The following CYP27B1 variants were observed in gnomAD, a reference collection of about 807,000 sequenced individuals.
CYP27B1 encodes 25-hydroxyvitamin D-1 alpha hydroxylase, mitochondrial.
A neutral mutation model predicts 54.8 loss-of-function variants in CYP27B1; 46 were observed. That is an observed-to-expected ratio of 0.84 (90% CI 0.66 to 1.07). The LOEUF (loss-of-function observed/expected upper bound fraction) is 1.07, where lower values mean the gene tolerates loss of function less well. Among genes scored for constraint, CYP27B1 ranks in the 50% least tolerant of loss-of-function variants. The probability of loss-of-function intolerance (pLI) is 0.00; values close to 1 mark genes in which losing one functional copy is unlikely to be tolerated. For missense variants in CYP27B1, 674 were observed against 692.2 expected (o/e 0.97, Z 0.30); for synonymous variants, 292 against 297.3 (o/e 0.98, Z 0.18).
chr12:57,763,146 C>T lies in CYP27B1; in HGVS notation c.1523G>A (p.Arg508Lys). 1 of 1,607,930 alleles carries T rather than the reference C, an allele frequency of 6.2e-7. No homozygotes were observed. Among genetic ancestry groups the T allele is most frequent in the Admixed American group, 1.7e-5 (1 of 60,022 alleles). The stretch of plus-strand genomic sequence containing the variant: ...TGACAGTCTCTTTCCATGGGACTAT[C>T]TGTCCAAAAACTGTAGGTTGATGCT... The part of the protein sequence containing the change: ...ERSINLQFLD[R>K] The change falls in exon 9 of 9, where the codon AGA becomes AAA. Residue 508 changes from arginine (R) to lysine (K), a missense_variant. Arg to Lys is a conservative substitution (Grantham distance 26). Coordinates refer to ENST00000228606, the MANE Select transcript of CYP27B1 (RefSeq NM_000785.4).
At chr12:57,764,268 C>T (rs1955340609) in intron 6 of CYP27B1, 92 bp from the exon 7 acceptor site, 1 of 1,566,240 alleles carries the variant, frequency 6.4e-7, no homozygotes. Flanking sequence ...CCCTTTTTGG[C>T]CAGGAGTAGA....
rs1248018855 is a variant in CYP27B1 at position 57,766,928 on chromosome 12, TG to T, written c.113del (p.Ala38GlufsTer40). On this transcript the variant is annotated frameshift_variant, in exon 1 of 9. Transcript: ENST00000228606. LOFTEE classifies it high-confidence loss of function. ...REYHSARRSL[A>X]DIPGPSTPSF... ...TGGGCGTAGAGGGGCCTGGGATGTC[TG>T]CCAAGCTCCGGCGTGCTGAGTGGTA... The T allele has an allele frequency of 6.2e-7, 1 of 1,614,162 alleles. No homozygotes were observed. Among genetic ancestry groups the T allele is most frequent in the Non-Finnish European group, 8.5e-7 (1 of 1,180,024 alleles).
chr12:57,763,535 CA>C, intron 8 of CYP27B1, 75 bp downstream of exon 8: 1 of 1,298,708 alleles, frequency 7.7e-7, no homozygotes, highest in Non-Finnish European at 1.1e-6. Flanking sequence ...CTATGCTTGT[CA>C]GGGGAAAGAG....
At chr12:57,766,775 A>T in intron 1 of CYP27B1, 72 bp downstream of exon 1, 1 of 1,499,696 alleles carries the variant, frequency 6.7e-7, no homozygotes, top group Non-Finnish European at 9.3e-7. Flanking sequence ...GCTCTGCACT[A>T]GTCAGTCCTT....
In CYP27B1 at chr12:57,766,058, G is replaced by A. The variant is rs1024923221; in HGVS notation, c.335C>T (p.Pro112Leu). ...GCGGCAGCGGCGGTGCTCCGTCCAG[G>A]GCGAGAAGCTGCAGCGCTCGGGCCG... ...GPRPERCSFS[P>L]WTEHRRCRQR... The change falls in exon 2 of 9, where the codon CCC becomes CTC. Residue 112 changes from proline to leucine, a missense_variant. Physicochemically the swap from Pro to Leu is moderately conservative, Grantham distance 98. Transcript: ENST00000228606. 4 of 1,562,300 alleles carry A rather than the reference G, an allele frequency of 2.6e-6. No individual in the cohort carries two copies. The highest frequency in any genetic ancestry group is 3.5e-6 in the Non-Finnish European group (4 of 1,158,090).
Position 57,764,464 on chromosome 12 carries a change from G to A in CYP27B1, c.1050C>T (p.Ala350=). 6.2e-7 allele frequency: 1 copy of A among 1,614,208 alleles called. No homozygotes were observed. Among genetic ancestry groups the A allele is most frequent in the Non-Finnish European group, 8.5e-7 (1 of 1,180,024 alleles). The change falls in exon 6 of 9, where the codon GCC becomes GCT. Residue 350 remains alanine (A), a synonymous_variant. Transcript: ENST00000228606. ...QTALHSEITA[A]LSPGSSAYPS... ...GGTAGGCACTGGAGCCAGGGCTCAG[G>A]GCAGCTGTGATCTCTGAGTGGAGTG...
rs771598984 is a variant in CYP27B1 at position 57,765,200 on chromosome 12, C to A, written c.601G>T (p.Val201Phe). 2 of 1,612,780 alleles carry A rather than the reference C, an allele frequency of 1.2e-6. No individual in the cohort carries two copies. The highest frequency in any genetic ancestry group is 1.7e-6 in the Non-Finnish European group (2 of 1,179,530). The part of the protein sequence containing the change: ...YKFGLEGIAA[V>F]LLGSRLGCLE... ...CAGCCCAAGCGCGAGCCGAGCAGAA[C>A]CGCGGCGATGCCTTGTCGGGAGGGG... Residue 201 changes from valine (V) to phenylalanine (F), a missense_variant, in exon 4 of 9, where the codon GTT becomes TTT. Transcript: ENST00000228606. The surrounding 1 kb of genome is among the most constrained non-coding windows in gnomAD (Gnocchi z 5.8).
At chr12:57,763,838 T>C in intron 7 of CYP27B1, 30 bp from the exon 8 acceptor site, 3 of 1,609,356 alleles carry the variant, frequency 1.9e-6, no homozygotes, top group Non-Finnish European at 2.6e-6. Flanking sequence ...ACTTGTCAGT[T>C]TGGGCTCAGA....
chr12:57,765,034 T>A lies in CYP27B1; in HGVS notation c.767A>T (p.Asp256Val). 6.2e-7 allele frequency: 1 copy of A among 1,613,850 alleles called. No homozygotes were observed. The highest frequency in any genetic ancestry group is 1.3e-5 in the African/African-American group (1 of 75,070). The part of the protein sequence containing the change: ...VPGPWGRLCR[D>V]WDQMFAFAQR... ...ACCAAATGCAAACATCTGGTCCCAG[T>A]CTCGGCAGAGGCGGCCCCAGGGCCC... Residue 256 changes from aspartate to valine, a missense_variant, in exon 4 of 9, where the codon GAC (aspartate) becomes GTC (valine). By Grantham distance (152) the Asp-to-Val change is radical. Transcript: ENST00000228606. The surrounding 1 kb of genome is among the most constrained non-coding windows in gnomAD (Gnocchi z 5.8).
Position 57,764,784 on chromosome 12 carries a change from C to G in CYP27B1, c.933G>C (p.Val311=), listed in dbSNP as rs200567715. Residue 311 remains valine, a synonymous_variant, in exon 5 of 9, where the codon GTG becomes GTC. Transcript: ENST00000228606. ...CCACTCCCGCCAATAGCAACTCTGTCACATTTCCCAGGATGGACTGGGCAG... is the reference window on the plus strand; with the variant it reads ...CCACTCCCGCCAATAGCAACTCTGTGACATTTCCCAGGATGGACTGGGCAG... ...ELPAQSILGN[V]TELLLAGVDT... 5.6e-6 allele frequency: 9 copies of G among 1,614,186 alleles called. No homozygotes were observed. The Admixed American group carries it at 1.5e-4, about 27-fold the overall frequency.
chr12:57,764,277 G>A lies in CYP27B1; in HGVS notation c.1136+101C>T, dbSNP rs1955340624. On this transcript the variant is annotated intron_variant, in intron 6 of 8. Transcript: ENST00000228606. ...TCCAAACCCTTTTTGGCCAGGAGTA[G>A]AGGGCCATTTTTCTCTGCTATCTCC... 9 of 1,567,820 alleles carry A rather than the reference G, an allele frequency of 5.7e-6. No homozygotes were observed. In the South Asian group the frequency reaches 1.0e-4, roughly 17 times the overall value.
chr12:57,764,332 C>G, intron 6 of CYP27B1, 46 bp downstream of exon 6: 1 of 1,612,350 alleles, frequency 6.2e-7, no homozygotes, highest in African/African-American at 1.3e-5. Flanking sequence ...GCTTCCCCAG[C>G]CCTTCCTTGG....
chr12:57,766,872 C>A lies in CYP27B1; in HGVS notation c.170G>T (p.Gly57Val), dbSNP rs376304260. 1.1e-5 allele frequency: 18 copies of A among 1,614,218 alleles called. No individual in the cohort carries two copies. In the East Asian group the frequency reaches 1.3e-4, roughly 12 times the overall value. Residue 57 changes from glycine to valine, a missense_variant, in exon 1 of 9, where the codon GGG becomes GTG. Gly to Val is a moderately radical substitution (Grantham distance 109). Transcript: ENST00000228606. ...CTGCAGCTCGTGTAGCCTCGACAGC[C>A]CCCCCTTGCAGAAAAGTTCGGCCAG... ...SFLAELFCKG[G>V]LSRLHELQVQ...
At chr12:57,764,572 G>C (rs1313650068) in intron 5 of CYP27B1, 22 bp from the exon 6 acceptor site, 2 of 1,613,582 alleles carry the variant, frequency 1.2e-6, no homozygotes, top group African/African-American at 1.3e-5. Context: ...GTGAAAGCAA[G>C]AGAGGTGTTG....
In CYP27B1 at chr12:57,763,616, C is replaced by A; in HGVS notation, c.1408G>T (p.Ala470Ser). The part of the protein sequence containing the change: ...LAELELQMAL[A>S]QILTHFEVQP... ...ATAAAATCTAGAGCACTCACCTGGG[C>A]CAAAGCCATTTGCAATTCAAGCTCT... The change falls in exon 8 of 9, where the codon GCC becomes TCC. Residue 470 changes from alanine (A) to serine (S), a missense_variant. Coordinates refer to ENST00000228606, the MANE Select transcript of CYP27B1 (RefSeq NM_000785.4). 1 of 1,613,912 alleles carries A rather than the reference C, an allele frequency of 6.2e-7. No individual in the cohort carries two copies. The highest frequency in any genetic ancestry group is 2.2e-5 in the East Asian group (1 of 44,876).
chr12:57,763,027 T>C lies in CYP27B1; in HGVS notation c.*115A>G, dbSNP rs1955330821. 1 of 762,688 alleles carries C rather than the reference T, an allele frequency of 1.3e-6. No homozygotes were observed. The highest frequency in any genetic ancestry group is 1.7e-5 in the African/African-American group (1 of 58,050). 47.2% of individuals were successfully genotyped at this position (762,688 alleles called of 1,614,324 possible). A position where few individuals can be genotyped will look rare whatever the true frequency, so the allele number is the denominator to read the frequency against. On this transcript the variant is annotated 3_prime_UTR_variant, in exon 9 of 9. Coordinates refer to ENST00000228606, the MANE Select transcript of CYP27B1 (RefSeq NM_000785.4). ...CTCACACTTCACTATGGTGGTTCTA[T>C]CCAGTTTGGTCAGATAGGCATTAGG...
chr12:57,766,631 G>T, intron 1 of CYP27B1: 1 of 618,486 alleles, frequency 1.6e-6, no homozygotes, highest in South Asian at 2.0e-5. Context: ...TCAGGACAGC[G>T]AGAAGGCGCT....
At chr12:57,766,404 G>A (rs1374268886) in intron 1 of CYP27B1, 4 of 635,698 alleles carry the variant, frequency 6.3e-6, no homozygotes, top group African/African-American at 3.7e-5. Flanking sequence ...GGGCAAAACC[G>A]GAACTTTGTG....
At position 57,765,654 on chromosome 12, in the gene CYP27B1, C is replaced by T. The variant is rs1955354111; in HGVS notation, c.387-155G>A. ...ACCTGCACCGGCCTGCGCCTGTCTT[C>T]CAGCCCCCTTCCTCTTTACTCATTT... On this transcript the variant is annotated intron_variant, in intron 2 of 8. Transcript: ENST00000228606. This position sits in a 1 kb window ranked among gnomAD's most constrained non-coding sequence, Gnocchi z 5.8. 1 of 938,946 alleles carries T rather than the reference C, an allele frequency of 1.1e-6. No homozygotes were observed. Among genetic ancestry groups the T allele is most frequent in the African/African-American group, 1.6e-5 (1 of 61,298 alleles). 58.2% of individuals were successfully genotyped at this position (938,946 alleles called of 1,614,324 possible). A position where few individuals can be genotyped will look rare whatever the true frequency, so the allele number is the denominator to read the frequency against.
Sources: gnomAD v4.1 joint callset for allele counts on GRCh38, gnomAD v4.1.1 for gene constraint, Gnocchi (gnomAD v3.1) non-coding constraint, MANE v1.5 for transcripts, NCBI Gene and HGNC (gene_info 2026-07-23, HGNC 2026-07-21) for gene names.